CA10: variants seen among roughly 807,000 people sequenced by gnomAD.
CA10 encodes the protein carbonic anhydrase-related protein 10.
Under a neutral mutation model 44.2 loss-of-function variants are expected in CA10, and 14 were observed. That is an observed-to-expected ratio of 0.32 (90% CI 0.21 to 0.50). CA10 has a LOEUF of 0.50. CA10 is among the 20% of genes least tolerant of loss of function. CA10 has a pLI of 0.99. For synonymous variants in CA10, 159 were observed against 141.6 expected, an observed-to-expected ratio of 1.12 and a Z score of -0.87; for missense variants, 350 against 409.7, an observed-to-expected ratio of 0.85 and a Z score of 1.26.
chr17:51,642,211 G>A (rs889866372), intron 6 of CA10, among the ~76,000 whole-genome samples: 4 of 152,158 alleles, frequency 2.6e-5, no homozygotes, highest in Non-Finnish European at 4.4e-5. Flanking sequence ...ATGGAAAGTG[G>A]TGTGCTGCGT....
At chr17:52,098,549 A>G (rs1414458124) in intron 1 of CA10, among the ~76,000 whole-genome samples, 1 of 152,166 alleles carries the variant, frequency 6.6e-6, no homozygotes, top group African/African-American at 2.4e-5. Context: ...ACATGTACTG[A>G]CCTAAGTCCT....
At chr17:51,980,564 T>C (rs1411561725) in intron 2 of CA10, among the ~76,000 whole-genome samples, 1 of 152,172 alleles carries the variant, frequency 6.6e-6, no homozygotes, top group Non-Finnish European at 1.5e-5. Context: ...GCAATTGATT[T>C]TGGTGTCTTT....
At position 51,653,679 on chromosome 17, in the gene CA10, T is replaced by C. The variant is rs1371067892; in HGVS notation, c.523A>G (p.Ser175Gly). ...LYTNVTEAAKSPNGLVVVSIF... is the reference protein window; with the variant it reads ...LYTNVTEAAKGPNGLVVVSIF... ...GAAACTACCACCAATCCATTTGGAC[T>C]CTTTGCAGCTTCTGTGACATTCGTA... The change falls in exon 5 of 9, where the codon AGT becomes GGT. Residue 175 changes from serine to glycine, a missense_variant. Transcript: ENST00000451037. 1 of 1,610,764 alleles carries C rather than the reference T, an allele frequency of 6.2e-7. No homozygotes were observed. The highest frequency in any genetic ancestry group is 8.5e-7 in the Non-Finnish European group (1 of 1,176,932).
At chr17:51,715,272 C>T (rs566288981) in intron 4 of CA10, among the ~76,000 whole-genome samples, 8 of 151,872 alleles carry the variant, frequency 5.3e-5, no homozygotes, top group Admixed American at 1.3e-4. Flanking sequence ...TGCTAAATGA[C>T]GAGTTAATGG....
At chr17:51,855,743 T>G (rs1354432082) in intron 3 of CA10, among the ~76,000 whole-genome samples, 1 of 152,244 alleles carries the variant, frequency 6.6e-6, no homozygotes, top group Non-Finnish European at 1.5e-5. Context: ...TGGTGCTACC[T>G]CAAAGTAAAA....
chr17:51,770,853 C>T (rs557501070), intron 3 of CA10, among the ~76,000 whole-genome samples: 43 of 152,104 alleles, frequency 2.8e-4, no homozygotes, highest in African/African-American at 9.4e-4. Flanking sequence ...CAGCCGGGCG[C>T]AGTGGCTCAC....
At chr17:52,013,451 A>G (rs1329822078) in intron 2 of CA10, among the ~76,000 whole-genome samples, 1 of 151,996 alleles carries the variant, frequency 6.6e-6, no homozygotes, top group African/African-American at 2.4e-5. Context: ...GAATAAAATT[A>G]AAATGCAGTG....
chr17:51,741,007 C>T (rs1189473348), intron 4 of CA10, among the ~76,000 whole-genome samples: 1 of 152,092 alleles, frequency 6.6e-6, no homozygotes, highest in Non-Finnish European at 1.5e-5. Context: ...TTATCTGTCT[C>T]CCCCCGCTAG....
At chr17:51,881,154 G>A (rs1386237627) in intron 3 of CA10, among the ~76,000 whole-genome samples, 1 of 151,208 alleles carries the variant, frequency 6.6e-6, no homozygotes, top group Non-Finnish European at 1.5e-5. Context: ...GCAGAAGAAT[G>A]GCGTGAACCT....
intron 1 of CA10, among the ~76,000 whole-genome samples, chr17:52,133,283 C>T (rs949412066): frequency 3.3e-5 from 5 of 152,188 alleles, no homozygotes; most frequent in Admixed American, 2.0e-4. Context: ...GGCATCCGTC[C>T]TCTGGGCAGG....
intron 2 of CA10, among the ~76,000 whole-genome samples, chr17:51,943,357 T>C (rs1983156102): frequency 2.0e-5 from 3 of 152,218 alleles, no homozygotes; most frequent in Admixed American, 2.0e-4. Context: ...GATCAGGAAC[T>C]CTGATATGGC....
intron 2 of CA10, chr17:52,070,667 G>A (rs976870536): frequency 6.6e-6 from 1 of 152,166 alleles, no homozygotes; most frequent in South Asian, 2.1e-4. Context: ...GTGAGGAAAA[G>A]TTATTTTATA....
At chr17:51,757,290 T>G (rs985177258) in intron 3 of CA10, among the ~76,000 whole-genome samples, 5 of 152,074 alleles carry the variant, frequency 3.3e-5, no homozygotes, top group African/African-American at 1.2e-4. Context: ...AAAAAAAAAT[T>G]AGTACCAAAA....
chr17:52,111,883 C>T (rs1988795151), intron 1 of CA10, among the ~76,000 whole-genome samples: 1 of 152,136 alleles, frequency 6.6e-6, no homozygotes, highest in Admixed American at 6.5e-5. Flanking sequence ...GTTGAGGAAC[C>T]TGCTCTTTTC....
intron 3 of CA10, among the ~76,000 whole-genome samples, chr17:51,822,805 G>A (rs938262775): frequency 1.3e-5 from 2 of 152,160 alleles, no homozygotes; most frequent in African/African-American, 4.8e-5. Flanking sequence ...CAGAAAAGGA[G>A]GGAAGAAGGT....
At chr17:52,098,329 C>T (rs1988455681) in intron 1 of CA10, among the ~76,000 whole-genome samples, 1 of 152,210 alleles carries the variant, frequency 6.6e-6, no homozygotes, top group African/African-American at 2.4e-5. Context: ...GTGGATATGA[C>T]TCAGAAGGCC....
At chr17:51,967,259 C>T (rs1260156026) in intron 2 of CA10, among the ~76,000 whole-genome samples, 1 of 151,230 alleles carries the variant, frequency 6.6e-6, no homozygotes, top group African/African-American at 2.4e-5. Flanking sequence ...ATTTGTTTAG[C>T]CACTGTGAAA....
chr17:51,876,160 GTTTTTTTT>G (rs3033579), intron 3 of CA10, among the ~76,000 whole-genome samples: 21 of 59,796 alleles, frequency 3.5e-4, no homozygotes, highest in African/African-American at 1.4e-3. Flanking sequence ...TTCTTCTCTC[GTTTTTTTT>G]TTTTTTTTTT....
chr17:51,794,875 C>T (rs550034011), intron 3 of CA10, among the ~76,000 whole-genome samples: 2 of 152,282 alleles, frequency 1.3e-5, no homozygotes, highest in South Asian at 4.1e-4. Flanking sequence ...GTGAAATCCT[C>T]ACTTTAAATA....
Sources: gnomAD v4.1 joint callset for allele counts (sites outside exome capture counted in the v4.1 genomes callset) on GRCh38, gnomAD v4.1.1 for gene constraint, MANE v1.5 for transcripts, NCBI Gene and HGNC (gene_info 2026-07-23, HGNC 2026-07-21) for gene names.